The following ZZZ3 variants were observed in gnomAD, a reference collection of about 807,000 sequenced individuals.
ZZZ3 encodes ZZ-type zinc finger-containing protein 3.
A neutral mutation model predicts 95.2 loss-of-function variants in ZZZ3; 22 were observed. The observed-to-expected ratio is 0.23, with a 90% CI of 0.17 to 0.33. The LOEUF (loss-of-function observed/expected upper bound fraction) is 0.33. Among genes scored for constraint, ZZZ3 ranks in the 10% least tolerant of loss-of-function variants. The probability of loss-of-function intolerance (pLI) is 1.00; values close to 1 mark genes in which losing one functional copy is unlikely to be tolerated. For synonymous variants in ZZZ3, 335 were observed against 358.9 expected (o/e 0.93, Z 0.75); for missense variants, 885 against 1,066.5 (o/e 0.83, Z 2.37).
In ZZZ3 at chr1:77,579,639, C is replaced by A. The variant is rs1192860837; in HGVS notation, c.1981-11G>T. 7 of 1,485,056 alleles carry A rather than the reference C, an allele frequency of 4.7e-6. No individual in the cohort carries two copies. Among genetic ancestry groups the A allele is most frequent in the Non-Finnish European group, 6.4e-6 (7 of 1,098,782 alleles). 92.0% of individuals were successfully genotyped at this position (1,485,056 alleles called of 1,614,324 possible). A position where few individuals can be genotyped will look rare whatever the true frequency, so the allele number is the denominator to read the frequency against. On this transcript the variant is annotated splice_polypyrimidine_tract_variant and intron_variant, in intron 9 of 14. Transcript: ENST00000370801. ...CTGTTCCAGCTTTTTCTAAGCCATACCCAAGACCAAATTTAAGAAAATATG... is the reference window on the plus strand; with the variant it reads ...CTGTTCCAGCTTTTTCTAAGCCATAACCAAGACCAAATTTAAGAAAATATG...
intron 1 of ZZZ3, among the ~76,000 whole-genome samples, chr1:77,667,457 T>A (rs1394246193): frequency 6.6e-6 from 1 of 152,224 alleles, no homozygotes; most frequent in Non-Finnish European, 1.5e-5. Flanking sequence ...TTCTCATTAT[T>A]TAATGTTATC....
At chr1:77,658,515 CTTT>C (rs111821277) in intron 1 of ZZZ3, among the ~76,000 whole-genome samples, 13 of 131,790 alleles carry the variant, frequency 9.9e-5, no homozygotes, top group Non-Finnish European at 2.0e-4. Flanking sequence ...CACATCCTGG[CTTT>C]TTTTTTTTTT....
chr1:77,582,017 T>C lies in ZZZ3; in HGVS notation c.1754A>G (p.Lys585Arg), dbSNP rs758834925. ...GNFEREFKNRKRHTRRVKLVF... is the reference protein window; with the variant it reads ...GNFEREFKNRRRHTRRVKLVF... Reference sequence around the variant, plus strand: ...TAGCTTAACTCTTCTAGTATGTCTTTTACGATTTTTAAATTCTCTTTCAAA... The same window carrying C: ...TAGCTTAACTCTTCTAGTATGTCTTCTACGATTTTTAAATTCTCTTTCAAA... Residue 585 changes from lysine (K) to arginine (R), a missense_variant, in exon 7 of 15, where the codon AAA becomes AGA. Physicochemically the swap from Lys to Arg is conservative, Grantham distance 26. Transcript: ENST00000370801. The C allele has an allele frequency of 1.2e-6, 2 of 1,610,456 alleles. No individual in the cohort carries two copies. Among genetic ancestry groups the C allele is most frequent in the Non-Finnish European group, 1.7e-6 (2 of 1,177,148 alleles).
intron 1 of ZZZ3, among the ~76,000 whole-genome samples, chr1:77,664,948 C>T (rs1322290208): frequency 6.6e-6 from 1 of 152,130 alleles, no homozygotes; most frequent in Non-Finnish European, 1.5e-5. Context: ...AAAAATAAGA[C>T]CTTATGCTGT....
chr1:77,584,479 T>TAGTTTTA, intron 6 of ZZZ3, 38 bp downstream of exon 6: 1 of 1,566,582 alleles, frequency 6.4e-7, no homozygotes, highest in Non-Finnish European at 8.6e-7. Context: ...TATTCCCAAA[T>TAGTTTTA]AGATCTTAGT....
chr1:77,683,049 C>A (rs1672948643), upstream of ZZZ3, among the ~76,000 whole-genome samples: 1 of 143,506 alleles, frequency 7.0e-6, no homozygotes, highest in African/African-American at 2.6e-5. Flanking sequence ...CCCTTTCGCC[C>A]GCGCACACGT....
intron 8 of ZZZ3, 78 bp downstream of exon 8, chr1:77,581,698 A>G: frequency 8.6e-7 from 1 of 1,160,386 alleles, no homozygotes; most frequent in Non-Finnish European, 1.2e-6. Context: ...TTTAATTTTA[A>G]GAACACAAAC....
intron 5 of ZZZ3, among the ~76,000 whole-genome samples, chr1:77,622,682 TTC>T (rs1292378536): frequency 2.0e-5 from 3 of 152,320 alleles, no homozygotes; most frequent in South Asian, 2.1e-4. Context: ...GTATGTCACC[TTC>T]TCTCTTTTAC....
At chr1:77,642,853 G>A (rs1215484168) in intron 1 of ZZZ3, among the ~76,000 whole-genome samples, 1 of 152,162 alleles carries the variant, frequency 6.6e-6, no homozygotes, top group Admixed American at 6.5e-5. Context: ...TTCTCAGTGA[G>A]AAGTTTCATT....
chr1:77,629,303 G>A (rs1461275151), intron 5 of ZZZ3, among the ~76,000 whole-genome samples: 1 of 152,038 alleles, frequency 6.6e-6, no homozygotes, highest in African/African-American at 2.4e-5. Context: ...TGAAAAAAAA[G>A]AAAAAAGAGA....
At chr1:77,568,309 T>C (rs1330256996) in intron 13 of ZZZ3, 23 bp downstream of exon 13, 2 of 1,501,448 alleles carry the variant, frequency 1.3e-6, no homozygotes, top group East Asian at 2.4e-5. Context: ...ATGAAATGAA[T>C]CCTAAAATTA....
In ZZZ3 at chr1:77,641,560, C is replaced by A. The variant is rs916647118; in HGVS notation, c.-307G>T. ...TTTTGCCTAGTATTTGATCCCCATG[C>A]GTCTGTATTTATCTGTCATCACTGT... On this transcript the variant is annotated 5_prime_UTR_variant, in exon 2 of 15. Coordinates refer to ENST00000370801, the MANE Select transcript of ZZZ3 (RefSeq NM_015534.6). The A allele has an allele frequency of 2.5e-6, 1 of 398,202 alleles. No homozygotes were observed. The highest frequency in any genetic ancestry group is 4.4e-6 in the Non-Finnish European group (1 of 225,868). 24.7% of individuals were successfully genotyped at this position (398,202 alleles called of 1,614,324 possible). A position where few individuals can be genotyped will look rare whatever the true frequency, so the allele number is the denominator to read the frequency against.
chr1:77,592,257 G>A (rs1309686434), intron 5 of ZZZ3, among the ~76,000 whole-genome samples: 1 of 152,162 alleles, frequency 6.6e-6, no homozygotes, highest in African/African-American at 2.4e-5. Flanking sequence ...AGAGAAATAT[G>A]TTTTCATCCT....
intron 9 of ZZZ3, 51 bp downstream of exon 9, chr1:77,580,925 CTCATAATACTGACTCTGATGTT>C: frequency 7.6e-7 from 1 of 1,308,250 alleles, no homozygotes. Flanking sequence ...TGGACCTGGC[CTCATAATACTGACTCTGATGTT>C]AACTGTTTAC....
chr1:77,567,301 T>C (rs942620197), intron 13 of ZZZ3, among the ~76,000 whole-genome samples: 1 of 152,190 alleles, frequency 6.6e-6, no homozygotes, highest in Non-Finnish European at 1.5e-5. Flanking sequence ...GTCTAAATTA[T>C]CAAAAGAATC....
chr1:77,629,861 T>C (rs1667636709), intron 5 of ZZZ3, among the ~76,000 whole-genome samples: 1 of 152,140 alleles, frequency 6.6e-6, no homozygotes, highest in Admixed American at 6.5e-5. Flanking sequence ...AAAGCACCAA[T>C]TAAGCTGTAT....
intron 1 of ZZZ3, among the ~76,000 whole-genome samples, chr1:77,657,001 G>C (rs370335): frequency 0.37 from 56,100 of 151,852 alleles, 11,867 homozygotes; most frequent in African/African-American, 0.57. Context: ...CTTACTTTTC[G>C]AGACAGTCTC....
At chr1:77,571,041 A>G (rs1661337549) in intron 12 of ZZZ3, among the ~76,000 whole-genome samples, 1 of 152,098 alleles carries the variant, frequency 6.6e-6, no homozygotes, top group African/African-American at 2.4e-5. Flanking sequence ...GTCACCACTG[A>G]GAAAGACAAC....
intron 5 of ZZZ3, among the ~76,000 whole-genome samples, chr1:77,616,145 C>G (rs1283294326): frequency 7.9e-5 from 12 of 152,108 alleles, no homozygotes; most frequent in Non-Finnish European, 1.6e-4. Context: ...CTCTTTCCCC[C>G]CTCAATCGTT....
Sources: allele counts gnomAD v4.1 joint callset (sites outside exome capture counted in the v4.1 genomes callset), GRCh38; gene constraint gnomAD v4.1.1; transcripts MANE v1.5; gene names NCBI Gene and HGNC (gene_info 2026-07-23, HGNC 2026-07-21).